CLEC16A: variants seen among roughly 807,000 people sequenced by gnomAD.
CLEC16A encodes protein CLEC16A.
In CLEC16A, 51 loss-of-function variants were observed where a neutral mutation model predicts 109.5. The observed-to-expected ratio is 0.47, with a 90% CI of 0.37 to 0.59. The LOEUF (loss-of-function observed/expected upper bound fraction) is 0.59, where lower values mean the gene tolerates loss of function less well. Ranked by LOEUF, CLEC16A falls within the 20% of genes least tolerant of loss-of-function variation. The pLI, the probability that CLEC16A is intolerant of heterozygous loss-of-function variation, is 0.00. For missense variants in CLEC16A, 1,339 were observed against 1,394.0 expected (o/e 0.96, Z 0.63); for synonymous variants, 673 against 564.2 (o/e 1.19, Z -2.73).
At chr16:11,029,633 C>G (rs2152824564) in intron 13 of CLEC16A, among the ~76,000 whole-genome samples, 1 of 152,266 alleles carries the variant, frequency 6.6e-6, no homozygotes, top group Middle Eastern at 3.4e-3. Flanking sequence ...GTCTGATAAC[C>G]ATTGTTTTGT....
At chr16:11,109,704 A>G (rs1224369530) in intron 19 of CLEC16A, among the ~76,000 whole-genome samples, 1 of 152,202 alleles carries the variant, frequency 6.6e-6, no homozygotes, top group Non-Finnish European at 1.5e-5. Flanking sequence ...CGGGCCCTCC[A>G]GGTGTCCTAT....
chr16:11,072,767 A>G (rs573206729), intron 19 of CLEC16A, among the ~76,000 whole-genome samples: 3 of 152,346 alleles, frequency 2.0e-5, no homozygotes, highest in Middle Eastern at 3.4e-3. Context: ...AGTCATTACA[A>G]TTCTTCCTCT....
chr16:11,041,848 A>G (rs2047352882), intron 14 of CLEC16A: 1 of 162,952 alleles, frequency 6.1e-6, no homozygotes, highest in South Asian at 1.7e-4. Flanking sequence ...GGAGCACCCC[A>G]ACTGGCCAGG....
intron 14 of CLEC16A, chr16:11,040,484 C>A (rs1290293201): frequency 1.4e-5 from 2 of 146,296 alleles, no homozygotes; most frequent in African/African-American, 5.2e-5. Flanking sequence ...TTTGGGAAGA[C>A]CTATTTTTTG....
Position 11,178,828 on chromosome 16 carries a change from C to G in CLEC16A, c.*138C>G, listed in dbSNP as rs201356740. On this transcript the variant is annotated 3_prime_UTR_variant, in exon 24 of 24. Coordinates refer to ENST00000409790, the MANE Select transcript of CLEC16A (RefSeq NM_015226.3). The surrounding 1 kb of genome is among the most constrained non-coding windows in gnomAD (Gnocchi z 6.5). ...CATCTCAACCACCTATCCCTGCGCT[C>G]CCTTGAATGGGAAGAAGCCCCACGT... 1 of 620,954 alleles carries G rather than the reference C, an allele frequency of 1.6e-6. No individual in the cohort carries two copies. The highest frequency in any genetic ancestry group is 3.3e-5 in the Admixed American group (1 of 30,222). The allele number at this position is 620,954 out of a possible 1,614,324, so 38.5% of individuals were successfully genotyped here. A position where few individuals can be genotyped will look rare whatever the true frequency, so the allele number is the denominator to read the frequency against.
intron 19 of CLEC16A, among the ~76,000 whole-genome samples, chr16:11,092,401 CAT>C (rs71136617): frequency 3.9e-4 from 56 of 144,578 alleles, no homozygotes; most frequent in Middle Eastern, 3.6e-3. Context: ...CACACACACA[CAT>C]GCCAGGTGTG....
intron 19 of CLEC16A, among the ~76,000 whole-genome samples, chr16:11,112,061 C>G (rs1010838266): frequency 1.2e-4 from 18 of 152,282 alleles, no homozygotes; most frequent in African/African-American, 4.1e-4. Flanking sequence ...GGAGAGAACG[C>G]AGCTATGAAA....
chr16:10,947,166 A>G (rs925586777), intron 1 of CLEC16A, among the ~76,000 whole-genome samples: 1 of 152,180 alleles, frequency 6.6e-6, no homozygotes, highest in Non-Finnish European at 1.5e-5. Context: ...CTTAATCCAT[A>G]TTACAGCCCC....
intron 22 of CLEC16A, chr16:11,126,366 A>T: frequency 6.9e-7 from 1 of 1,450,492 alleles, no homozygotes. Flanking sequence ...GGTTTTCCAG[A>T]GATTTGTTGG....
rs746565324 is a variant in CLEC16A, at chr16:11,166,468, CCCAGCGGCAGCGGGAGCA to C, written c.2728_2745del (p.Gly910_Ser915del). ...GTCGCCACCCTCCGCCAGCGGGAGC[CCCAGCGGCAGCGGGAGCA>C]CCAGCCACTGCGACTCTGGAGGCAC... On this transcript the variant is annotated inframe_deletion, in exon 23 of 24. Coordinates refer to ENST00000409790, the MANE Select transcript of CLEC16A (RefSeq NM_015226.3). The C allele has an allele frequency of 6.2e-7, 1 of 1,608,616 alleles. No homozygotes were observed. Among genetic ancestry groups the C allele is most frequent in the Non-Finnish European group, 8.5e-7 (1 of 1,179,780 alleles).
chr16:10,985,304 A>G (rs9652599), intron 10 of CLEC16A, among the ~76,000 whole-genome samples: 111,278 of 150,402 alleles, frequency 0.74, 41,707 homozygotes, highest in East Asian at 0.9. Context: ...TCTTTGCAGT[A>G]TTTAAAAGAA....
At chr16:11,150,511 C>T (rs370255640) in intron 22 of CLEC16A, among the ~76,000 whole-genome samples, 1 of 152,204 alleles carries the variant, frequency 6.6e-6, no homozygotes, top group East Asian at 1.9e-4. Flanking sequence ...TCCTTGGGCA[C>T]ACCTCTCTCT....
At position 11,060,875 on chromosome 16, in the gene CLEC16A, TCTC is replaced by T. The variant is rs768589127; in HGVS notation, c.1996-26_1996-24del. On this transcript the variant is annotated intron_variant, in intron 18 of 23. Transcript: ENST00000409790. The stretch of plus-strand genomic sequence containing the variant: ...TGAAATGACTCTGCAATCTCACTCT[TCTC>T]TGCTCTCTGAACTGTTGGTCCAGGC... The T allele has an allele frequency of 1.5e-5, 23 of 1,586,200 alleles. No homozygotes were observed. The African/African-American group carries it at 3.1e-4, about 21-fold the overall frequency.
At chr16:11,135,717 A>AT (rs2053520030) in intron 22 of CLEC16A, among the ~76,000 whole-genome samples, 1 of 152,240 alleles carries the variant, frequency 6.6e-6, no homozygotes, top group Admixed American at 6.5e-5. Context: ...GCAATCTGCC[A>AT]TTTGACCTGG....
rs1461773064 is a variant in CLEC16A, at chr16:11,150,352, A to C, written c.2642-16036A>C. 14 of 152,244 alleles carry C rather than the reference A, an allele frequency of 9.2e-5. 1 individual carries two copies. Among genetic ancestry groups the C allele is most frequent in the Admixed American group, 9.2e-4 (14 of 15,290 alleles). The allele number at this position is 152,244 out of a possible 1,614,324, so 9.4% of individuals were successfully genotyped here. On this transcript the variant is annotated intron_variant, in intron 22 of 23. Transcript: ENST00000409790. ...CCTTGCTCTTTTCAGACACCACTGT[A>C]AATCAGGAATCTGTGTTAGCACTTA...
rs1460091230 is a variant in CLEC16A, at chr16:10,954,047, CAT to C, written c.81-3730_81-3729del. On this transcript the variant is annotated intron_variant, in intron 1 of 23. Coordinates refer to ENST00000409790, the MANE Select transcript of CLEC16A (RefSeq NM_015226.3). This position sits in a 1 kb window ranked among gnomAD's most constrained non-coding sequence, Gnocchi z 4.2. ...AGAAGATATTCAAACAGTCCATAAA[CAT>C]ATATGAACAGGCACCCGGTTTCACT... is the stretch of plus-strand genomic sequence containing the variant. 6.6e-6 allele frequency among the ~76,000 whole-genome samples: 1 copy of C among 151,928 alleles called. No individual in the cohort carries two copies. Among genetic ancestry groups the C allele is most frequent in the Non-Finnish European group, 1.5e-5 (1 of 68,020 alleles).
intron 19 of CLEC16A, among the ~76,000 whole-genome samples, chr16:11,081,003 CT>C (rs1012967062): frequency 1.8e-4 from 27 of 152,352 alleles, no homozygotes; most frequent in African/African-American, 6.5e-4. Context: ...GATGCAGAAA[CT>C]GGCAGCAGAT....
intron 8 of CLEC16A, 123 bp from the exon 9 acceptor site, chr16:10,979,206 C>T (rs895138011): frequency 2.8e-5 from 22 of 773,502 alleles, no homozygotes; most frequent in African/African-American, 2.1e-4. Context: ...GCCCTAGGGC[C>T]GTGGAGGAAG....
At chr16:11,078,011 T>TGTGTGTG (rs2049487474) in intron 19 of CLEC16A, among the ~76,000 whole-genome samples, 1 of 116,376 alleles carries the variant, frequency 8.6e-6, no homozygotes, top group African/African-American at 3.4e-5. Flanking sequence ...GTGTGTGTGT[T>TGTGTGTG]TAGAGAAATG....
Sources: gnomAD v4.1 joint callset for allele counts (sites outside exome capture counted in the v4.1 genomes callset) on GRCh38, gnomAD v4.1.1 for gene constraint, Gnocchi (gnomAD v3.1) non-coding constraint, MANE v1.5 for transcripts, NCBI Gene and HGNC (gene_info 2026-07-23, HGNC 2026-07-21) for gene names.